The following BFAR variants were observed in gnomAD, a reference collection of about 807,000 sequenced individuals.
BFAR encodes bifunctional apoptosis regulator.
A neutral mutation model predicts 54.4 loss-of-function variants in BFAR; 52 were observed. That is an observed-to-expected ratio of 0.96 (90% CI 0.77 to 1.21). The LOEUF (loss-of-function observed/expected upper bound fraction) is 1.21, where lower values mean the gene tolerates loss of function less well. Ranked by LOEUF, BFAR falls within the 50% of genes most tolerant of loss-of-function variation. The pLI is 0.00. For synonymous variants in BFAR, 215 were observed against 204.3 expected (o/e 1.05, Z -0.45); for missense variants, 571 against 534.0 (o/e 1.07, Z -0.68).
At chr16:14,647,252 T>A (rs1959826862) in intron 2 of BFAR, among the ~76,000 whole-genome samples, 1 of 151,906 alleles carries the variant, frequency 6.6e-6, no homozygotes, top group Non-Finnish European at 1.5e-5. Flanking sequence ...ACCCGGTTGA[T>A]TTTTGTATTT....
chr16:14,666,771 A>C (rs956589704), intron 7 of BFAR, among the ~76,000 whole-genome samples: 1 of 152,126 alleles, frequency 6.6e-6, no homozygotes, highest in Non-Finnish European at 1.5e-5. Flanking sequence ...ATTTCTTTCC[A>C]TTTAGCAAAC....
intron 6 of BFAR, among the ~76,000 whole-genome samples, chr16:14,664,128 A>T (rs1173972089): frequency 3.3e-5 from 5 of 152,124 alleles, no homozygotes. Flanking sequence ...CTTTAATCCC[A>T]GAAGCACTGT....
chr16:14,638,015 A>T (rs190850795), intron 1 of BFAR, among the ~76,000 whole-genome samples: 321 of 152,094 alleles, frequency 2.1e-3, no homozygotes, highest in Non-Finnish European at 3.8e-3. Flanking sequence ...GTCAGTTAAT[A>T]TATAACGAGA....
At chr16:14,667,545 T>C (rs1257228401) in intron 7 of BFAR, 90 bp from the exon 8 acceptor site, 1 of 1,272,090 alleles carries the variant, frequency 7.9e-7, no homozygotes. Context: ...GCCATGCTCT[T>C]CCCAGCACCC....
chr16:14,659,176 T>G (rs900543628), intron 5 of BFAR, among the ~76,000 whole-genome samples: 1 of 152,124 alleles, frequency 6.6e-6, no homozygotes, highest in African/African-American at 2.4e-5. Context: ...CCCAAAGTGC[T>G]GGGATTATAG....
intron 1 of BFAR, among the ~76,000 whole-genome samples, chr16:14,642,003 C>T (rs1959643832): frequency 6.6e-6 from 1 of 152,158 alleles, no homozygotes; most frequent in African/African-American, 2.4e-5. Context: ...GTCATTGTCC[C>T]TCATCTATAT....
intron 2 of BFAR, among the ~76,000 whole-genome samples, chr16:14,646,480 G>A (rs904109261): frequency 1.3e-5 from 2 of 151,396 alleles, no homozygotes; most frequent in African/African-American, 2.4e-5. Flanking sequence ...GAGCCACTGT[G>A]CCTGGCCAAA....
At position 14,667,530 on chromosome 16, in the gene BFAR, G is replaced by C. The variant is rs564724021; in HGVS notation, c.1161-105G>C. Reference sequence around the variant, plus strand: ...GACAGAAGACAAGGACATTCAGCACGGGCAGCCATGCTCTTCCCAGCACCC... The same window carrying C: ...GACAGAAGACAAGGACATTCAGCACCGGCAGCCATGCTCTTCCCAGCACCC... On this transcript the variant is annotated intron_variant, in intron 7 of 7. Coordinates refer to ENST00000261658, the MANE Select transcript of BFAR (RefSeq NM_016561.3). 1.4e-5 allele frequency: 15 copies of C among 1,056,222 alleles called. No individual in the cohort carries two copies. The Admixed American group carries it at 3.4e-4, about 24-fold the overall frequency. The allele number at this position is 1,056,222 out of a possible 1,614,324, so 65.4% of individuals were successfully genotyped here. A position where few individuals can be genotyped will look rare whatever the true frequency, so the allele number is the denominator to read the frequency against.
In BFAR at chr16:14,652,248, G is replaced by A. The variant is rs373838256; in HGVS notation, c.638+2275G>A. Among the ~76,000 whole-genome samples, 7 of 151,564 alleles carry A rather than the reference G, an allele frequency of 4.6e-5. No individual in the cohort carries two copies. In the East Asian group the frequency reaches 9.7e-4, roughly 21 times the overall value. ...CAGCTATGAGCCGGGAACTATGGACGAAAGCCAATATGTAACACCACATTA... is the reference window on the plus strand; with the variant it reads ...CAGCTATGAGCCGGGAACTATGGACAAAAGCCAATATGTAACACCACATTA... On this transcript the variant is annotated intron_variant, in intron 4 of 7. Transcript: ENST00000261658.
At chr16:14,639,097 G>T (rs187316817) in intron 1 of BFAR, among the ~76,000 whole-genome samples, 1 of 152,098 alleles carries the variant, frequency 6.6e-6, no homozygotes, top group African/African-American at 2.4e-5. Context: ...CTGGAGAATA[G>T]CCCTCTGGAT....
chr16:14,634,553 G>A (rs1450126568), intron 1 of BFAR, among the ~76,000 whole-genome samples: 2 of 152,222 alleles, frequency 1.3e-5, no homozygotes, highest in African/African-American at 2.4e-5. Context: ...GCAGGGCGGG[G>A]CTCCGCAGCT....
chr16:14,645,008 G>A (rs754494530), intron 2 of BFAR, among the ~76,000 whole-genome samples: 32 of 152,136 alleles, frequency 2.1e-4, no homozygotes, highest in South Asian at 2.1e-4. Flanking sequence ...TTAGCAGACC[G>A]TTGCTGGTAA....
Position 14,668,755 on chromosome 16 carries a change from T to A in BFAR, c.*928T>A, listed in dbSNP as rs1390729707. 1 of 157,024 alleles carries A rather than the reference T, an allele frequency of 6.4e-6. No individual in the cohort carries two copies. Among genetic ancestry groups the A allele is most frequent in the Non-Finnish European group, 1.4e-5 (1 of 71,334 alleles). The allele number at this position is 157,024 out of a possible 1,614,324, so 9.7% of individuals were successfully genotyped here. The stretch of plus-strand genomic sequence containing the variant: ...CAGCTACTTGGAATTGGAAATCGCC[T>A]GAACCCAGGAGGCGGAGGTTGCAGG... On this transcript the variant is annotated 3_prime_UTR_variant, in exon 8 of 8. Transcript: ENST00000261658.
At chr16:14,663,800 C>T (rs1960359913) in intron 6 of BFAR, among the ~76,000 whole-genome samples, 1 of 151,992 alleles carries the variant, frequency 6.6e-6, no homozygotes, top group African/African-American at 2.4e-5. Context: ...ATGGTTCAAG[C>T]TACCATTTGG....
chr16:14,644,538 T>A lies in BFAR; in HGVS notation c.192T>A (p.Ser64=). The A allele has an allele frequency of 6.2e-7, 1 of 1,614,108 alleles. No individual in the cohort carries two copies. Reference sequence around the variant, plus strand: ...ACTGCCTTGCTTTATGGTGGGCATCTTCAAAGAAAACAGAATGTCCAGAAT... The same window carrying A: ...ACTGCCTTGCTTTATGGTGGGCATCATCAAAGAAAACAGAATGTCCAGAAT... ...CRHCLALWWA[S]SKKTECPECR... is the part of the protein sequence containing the mutation. The change falls in exon 2 of 8, where the codon TCT becomes TCA. Residue 64 remains serine (S), a synonymous_variant. Coordinates refer to ENST00000261658, the MANE Select transcript of BFAR (RefSeq NM_016561.3).
At chr16:14,653,054 G>A (rs925502576) in intron 4 of BFAR, among the ~76,000 whole-genome samples, 5 of 152,060 alleles carry the variant, frequency 3.3e-5, no homozygotes, top group African/African-American at 4.8e-5. Flanking sequence ...CAAAATTATG[G>A]TATAAAAATT....
chr16:14,639,988 A>G (rs1358284815), intron 1 of BFAR, among the ~76,000 whole-genome samples: 1 of 151,908 alleles, frequency 6.6e-6, no homozygotes, highest in East Asian at 1.9e-4. Flanking sequence ...GCAAAATCCC[A>G]TCTCTGCAGA....
rs116953686 is a variant in BFAR at position 14,648,032 on chromosome 16, G to T, written c.264-356G>T. ...CGGTGGGCAGATTGCCTGAGCTCAG[G>T]AGTTCAATACCAGCCTGGGCAACAT... On this transcript the variant is annotated intron_variant, in intron 2 of 7. Transcript: ENST00000261658. Among the ~76,000 whole-genome samples the T allele has an allele frequency of 2.2e-4, 33 of 152,198 alleles. No homozygotes were observed. The East Asian group carries it at 3.9e-3, about 18-fold the overall frequency.
At chr16:14,665,311 T>A (rs1481038734) in intron 7 of BFAR, 5 of 471,296 alleles carry the variant, frequency 1.1e-5, no homozygotes, top group Non-Finnish European at 1.9e-5. Flanking sequence ...TATGCAATAA[T>A]ATACCATTTA....
Sources: gnomAD v4.1 joint callset for allele counts (sites outside exome capture counted in the v4.1 genomes callset) on GRCh38, gnomAD v4.1.1 for gene constraint, MANE v1.5 for transcripts, NCBI Gene and HGNC (gene_info 2026-07-23, HGNC 2026-07-21) for gene names.